Variants in RIC8B observed in about 807,000 individuals in gnomAD.
The protein encoded by RIC8B is RIC8 guanine nucleotide exchange factor B.
Under a neutral mutation model 57.5 loss-of-function variants are expected in RIC8B, and 16 were observed. That is an observed-to-expected ratio of 0.28 (90% confidence interval 0.19 to 0.42). RIC8B has a LOEUF of 0.42. RIC8B is among the 10% of genes least tolerant of loss of function. The pLI is 1.00. For missense variants in RIC8B, 481 were observed against 677.0 expected, an observed-to-expected ratio of 0.71 and a Z score of 3.21; for synonymous variants, 216 against 250.8, an observed-to-expected ratio of 0.86 and a Z score of 1.31.
intron 4 of RIC8B, among the ~76,000 whole-genome samples, chr12:106,842,342 C>T (rs1288333452): frequency 6.6e-6 from 1 of 152,176 alleles, no homozygotes; most frequent in East Asian, 1.9e-4. Flanking sequence ...CAGAAAGTGA[C>T]ATGACATCAT....
intron 9 of RIC8B, among the ~76,000 whole-genome samples, chr12:106,885,576 C>G (rs1164721110): frequency 7.2e-6 from 1 of 138,446 alleles, no homozygotes; most frequent in African/African-American, 2.6e-5. Context: ...ACCAATCCAC[C>G]AAAAAAAAAA....
At chr12:106,813,094 G>A (rs146251928) in intron 2 of RIC8B, among the ~76,000 whole-genome samples, 2 of 151,110 alleles carry the variant, frequency 1.3e-5, no homozygotes, top group African/African-American at 2.4e-5. Flanking sequence ...AACGATTTAC[G>A]TAGCATTTAC....
In RIC8B at chr12:106,888,917, A is replaced by C. The variant is rs1194273700; in HGVS notation, c.*2902A>C. On this transcript the variant is annotated 3_prime_UTR_variant, in exon 10 of 10. Coordinates refer to ENST00000392837, the MANE Select transcript of RIC8B (RefSeq NM_001330145.2). The stretch of plus-strand genomic sequence containing the variant: ...TGCCCAGTAGTCCTGGGAGGCAGGC[A>C]GGGCAGGTGTTATTATCCCTTCTTT... 1 of 152,162 alleles carries C rather than the reference A, an allele frequency of 6.6e-6. No homozygotes were observed. Among genetic ancestry groups the C allele is most frequent in the Non-Finnish European group, 1.5e-5 (1 of 68,034 alleles). 9.4% of individuals were successfully genotyped at this position (152,162 alleles called of 1,614,324 possible).
rs187674113 is a variant in RIC8B, at chr12:106,877,766, C to T, written c.1571+6824C>T. 1.4e-4 allele frequency among the ~76,000 whole-genome samples: 22 copies of T among 152,242 alleles called. No individual in the cohort carries two copies. The East Asian group carries it at 1.7e-3, about 12-fold the overall frequency. On this transcript the variant is annotated intron_variant, in intron 9 of 9. Coordinates refer to ENST00000392837, the MANE Select transcript of RIC8B (RefSeq NM_001330145.2). The stretch of plus-strand genomic sequence containing the variant: ...CCGCAGCCCAGGACGCTTTTGAATG[C>T]GGCCCAACACAAGTTAATAAACTTT...
chr12:106,823,597 A>G (rs1385081592), intron 3 of RIC8B: 1 of 345,168 alleles, frequency 2.9e-6, no homozygotes. Flanking sequence ...TGTATTCCCT[A>G]GTTAATTTTT....
chr12:106,886,069 G>A lies in RIC8B; in HGVS notation c.*54G>A. On this transcript the variant is annotated 3_prime_UTR_variant, in exon 10 of 10. Transcript: ENST00000392837. ...GCTTTATCAGCATCTTTTCTCTGTA[G>A]CTCCAGGGGAATCTTTTCTCTAAAA... is the stretch of plus-strand genomic sequence containing the variant. The A allele has an allele frequency of 4.1e-6, 5 of 1,225,496 alleles. No homozygotes were observed. Among genetic ancestry groups the A allele is most frequent in the Non-Finnish European group, 6.0e-6 (5 of 833,166 alleles). 75.9% of individuals were successfully genotyped at this position (1,225,496 alleles called of 1,614,324 possible).
At chr12:106,865,573 G>A (rs755628639) in intron 8 of RIC8B, among the ~76,000 whole-genome samples, 5 of 152,016 alleles carry the variant, frequency 3.3e-5, no homozygotes, top group Non-Finnish European at 5.9e-5. Flanking sequence ...GGTAGTTCTG[G>A]TCCTATCTTC....
chr12:106,817,625 C>T (rs2045632350), intron 3 of RIC8B, among the ~76,000 whole-genome samples: 3 of 151,976 alleles, frequency 2.0e-5, no homozygotes, highest in African/African-American at 7.3e-5. Flanking sequence ...CAGGACCATC[C>T]TGGCTAACAC....
chr12:106,796,099 C>T (rs148914562), intron 2 of RIC8B, among the ~76,000 whole-genome samples: 97 of 152,270 alleles, frequency 6.4e-4, no homozygotes, highest in East Asian at 3.9e-3. Context: ...ACAGATTCAA[C>T]GCAATACCTT....
At chr12:106,882,745 C>G (rs1951005008) in intron 9 of RIC8B, among the ~76,000 whole-genome samples, 1 of 152,060 alleles carries the variant, frequency 6.6e-6, no homozygotes, top group Non-Finnish European at 1.5e-5. Flanking sequence ...GACACCTTTC[C>G]TACAGAAGTA....
chr12:106,780,513 G>A (rs2043716889), intron 1 of RIC8B, among the ~76,000 whole-genome samples: 1 of 152,300 alleles, frequency 6.6e-6, no homozygotes, highest in South Asian at 2.1e-4. Flanking sequence ...TAAATATCCA[G>A]GACCATGTAA....
chr12:106,843,373 G>T (rs971832072), intron 5 of RIC8B, among the ~76,000 whole-genome samples: 11 of 152,068 alleles, frequency 7.2e-5, no homozygotes, highest in Admixed American at 4.6e-4. Flanking sequence ...GAAAATGTAG[G>T]AACATCCAGG....
At chr12:106,860,100 G>A (rs1949865473) in intron 7 of RIC8B, among the ~76,000 whole-genome samples, 168 bp from the exon 8 acceptor site, 1 of 152,144 alleles carries the variant, frequency 6.6e-6, no homozygotes, top group Admixed American at 6.6e-5. Context: ...GAACCTATGG[G>A]AAAATTTGTA....
chr12:106,873,250 T>C lies in RIC8B; in HGVS notation c.1571+2308T>C, dbSNP rs181147685. ...GCTTTGATGGTATCAATTTTGCCATTAAAGTTGAAGCAAAAGGCAACCTTG... is the reference window on the plus strand; with the variant it reads ...GCTTTGATGGTATCAATTTTGCCATCAAAGTTGAAGCAAAAGGCAACCTTG... On this transcript the variant is annotated intron_variant, in intron 9 of 9. Transcript: ENST00000392837. The C allele has an allele frequency of 4.2e-6, 4 of 941,410 alleles. No individual in the cohort carries two copies. In the East Asian group the frequency reaches 3.5e-4, roughly 82 times the overall value. The allele number at this position is 941,410 out of a possible 1,614,324, so 58.3% of individuals were successfully genotyped here.
chr12:106,795,501 G>A (rs1390985373), intron 2 of RIC8B, among the ~76,000 whole-genome samples: 1 of 152,140 alleles, frequency 6.6e-6, no homozygotes, highest in African/African-American at 2.4e-5. Context: ...TTTACATAGG[G>A]CTCACAGACT....
chr12:106,820,828 G>A (rs1159428347), intron 3 of RIC8B, among the ~76,000 whole-genome samples: 1 of 152,200 alleles, frequency 6.6e-6, no homozygotes, highest in African/African-American at 2.4e-5. Flanking sequence ...ATTAAGATGT[G>A]AAAGCTATAT....
chr12:106,780,680 G>A (rs760263279), intron 1 of RIC8B, among the ~76,000 whole-genome samples: 4 of 152,158 alleles, frequency 2.6e-5, no homozygotes, highest in Admixed American at 2.0e-4. Flanking sequence ...ATTTTTAGTT[G>A]TAGAAGCAAT....
At chr12:106,799,533 T>C (rs2044636960) in intron 2 of RIC8B, among the ~76,000 whole-genome samples, 1 of 152,214 alleles carries the variant, frequency 6.6e-6, no homozygotes, top group Admixed American at 6.5e-5. Context: ...ACTTCAACTA[T>C]ACTGTTTCAA....
At chr12:106,849,792 TA>T (rs769856902) in intron 6 of RIC8B, among the ~76,000 whole-genome samples, 2 of 152,196 alleles carry the variant, frequency 1.3e-5, no homozygotes, top group Non-Finnish European at 1.5e-5. Flanking sequence ...ATAATTATCT[TA>T]AAAAAATGAA....
Sources: gnomAD v4.1 joint callset for allele counts (sites outside exome capture counted in the v4.1 genomes callset) on GRCh38, gnomAD v4.1.1 for gene constraint, MANE v1.5 for transcripts, NCBI Gene and HGNC (gene_info 2026-07-23, HGNC 2026-07-21) for gene names.